ESYT3: variants seen among roughly 807,000 people sequenced by gnomAD.
The protein encoded by ESYT3 is extended synaptotagmin-3.
In ESYT3, 101 loss-of-function variants were observed where a neutral mutation model predicts 111.5. The observed-to-expected ratio is 0.91, with a 90% CI of 0.77 to 1.07. ESYT3 has a LOEUF of 1.07. Ranked by LOEUF, ESYT3 falls within the 50% of genes least tolerant of loss-of-function variation. The pLI, the probability that ESYT3 is intolerant of heterozygous loss-of-function variation, is 0.00. For synonymous variants in ESYT3, 416 were observed against 446.8 expected (o/e 0.93, Z 0.87); for missense variants, 1,097 against 1,109.4 (o/e 0.99, Z 0.16).
intron 1 of ESYT3, among the ~76,000 whole-genome samples, chr3:138,443,756 G>GTGACT (rs1553810678): frequency 2.0e-5 from 3 of 151,486 alleles, no homozygotes; most frequent in East Asian, 2.0e-4. Flanking sequence ...GTGTGTGTGT[G>GTGACT]ACATGGCTGC....
At chr3:138,441,598 G>A (rs1381857415) in intron 1 of ESYT3, among the ~76,000 whole-genome samples, 1 of 152,126 alleles carries the variant, frequency 6.6e-6, no homozygotes, top group African/African-American at 2.4e-5. Context: ...CAGGGAGCAG[G>A]GGCTGAGACC....
intron 1 of ESYT3, among the ~76,000 whole-genome samples, chr3:138,446,886 A>G (rs571691356): frequency 2.0e-5 from 3 of 152,142 alleles, no homozygotes; most frequent in East Asian, 1.9e-4. Context: ...CAAACAAACA[A>G]TAGTCAGGCG....
intron 2 of ESYT3, 114 bp from the exon 3 acceptor site, chr3:138,455,080 G>C: frequency 7.9e-7 from 1 of 1,267,938 alleles, no homozygotes. Context: ...CTGCAGCATA[G>C]GAACCCCCAC....
intron 8 of ESYT3, 74 bp from the exon 9 acceptor site, chr3:138,464,271 G>A (rs2032805355): frequency 2.6e-6 from 4 of 1,547,178 alleles, no homozygotes; most frequent in Non-Finnish European, 3.5e-6. Flanking sequence ...ATCTCTGATG[G>A]TTTTAGCTCT....
chr3:138,452,544 C>T (rs1277879408), intron 2 of ESYT3, among the ~76,000 whole-genome samples: 1 of 152,202 alleles, frequency 6.6e-6, no homozygotes, highest in Non-Finnish European at 1.5e-5. Context: ...GATTCACTGA[C>T]ATCACTACTG....
chr3:138,443,799 G>T (rs2031340778), intron 1 of ESYT3, among the ~76,000 whole-genome samples: 1 of 152,022 alleles, frequency 6.6e-6, no homozygotes, highest in South Asian at 2.1e-4. Context: ...GTGCGAGGGA[G>T]CTGGCAGAAT....
chr3:138,474,193 T>C (rs2033376500), intron 19 of ESYT3, 28 bp from the exon 20 acceptor site: 3 of 1,593,754 alleles, frequency 1.9e-6, no homozygotes, highest in Admixed American at 3.7e-5. Context: ...CTTTTTTTTT[T>C]TTCCTAATGT....
chr3:138,438,400 G>A (rs1218194457), intron 1 of ESYT3, among the ~76,000 whole-genome samples: 1 of 152,068 alleles, frequency 6.6e-6, no homozygotes, highest in Admixed American at 6.5e-5. Context: ...ATGGATATCC[G>A]GCCACCTGCT....
chr3:138,445,743 C>T (rs957921825), intron 1 of ESYT3, among the ~76,000 whole-genome samples: 3 of 152,302 alleles, frequency 2.0e-5, no homozygotes, highest in African/African-American at 4.8e-5. Flanking sequence ...ACTTCCAGAA[C>T]GCTTATTCTG....
intron 1 of ESYT3, among the ~76,000 whole-genome samples, chr3:138,442,445 T>TAAA (rs1291398948): frequency 1.8e-4 from 27 of 152,332 alleles, no homozygotes; most frequent in Non-Finnish European, 2.9e-4. Flanking sequence ...CAGGCTTTCC[T>TAAA]GGTCACACGG....
At chr3:138,463,180 T>C (rs1184791460) in intron 8 of ESYT3, among the ~76,000 whole-genome samples, 1 of 151,956 alleles carries the variant, frequency 6.6e-6, no homozygotes, top group African/African-American at 2.4e-5. Flanking sequence ...CTGCAACCTC[T>C]GTCTCCTAGG....
At chr3:138,459,747 C>T (rs1269734989) in intron 5 of ESYT3, among the ~76,000 whole-genome samples, 198 bp from the exon 6 acceptor site, 1 of 152,230 alleles carries the variant, frequency 6.6e-6, no homozygotes, top group African/African-American at 2.4e-5. Flanking sequence ...TGGTAGCTGG[C>T]AAGAGGTGGC....
intron 1 of ESYT3, among the ~76,000 whole-genome samples, chr3:138,450,566 G>A (rs2031855058): frequency 6.6e-6 from 1 of 152,230 alleles, no homozygotes; most frequent in Non-Finnish European, 1.5e-5. Context: ...GGGAAACTGA[G>A]GCTGGGAGAA....
chr3:138,445,664 G>A (rs564122586), intron 1 of ESYT3, among the ~76,000 whole-genome samples: 10 of 152,304 alleles, frequency 6.6e-5, no homozygotes, highest in East Asian at 1.9e-4. Context: ...GTTCTTGCAC[G>A]TACTTGAGGT....
intron 1 of ESYT3, among the ~76,000 whole-genome samples, chr3:138,451,703 G>A (rs886709820): frequency 2.6e-5 from 4 of 152,224 alleles, no homozygotes; most frequent in Non-Finnish European, 5.9e-5. Flanking sequence ...GGGGAGGGGT[G>A]AAACCGCGTG....
intron 3 of ESYT3, 127 bp downstream of exon 3, chr3:138,455,455 G>T: frequency 9.9e-7 from 1 of 1,011,424 alleles, no homozygotes; most frequent in Non-Finnish European, 1.4e-6. Context: ...CCTTACAGGG[G>T]GACACCCTCC....
chr3:138,459,877 A>AGCTGAGGCCATCT, intron 5 of ESYT3, 68 bp from the exon 6 acceptor site: 1 of 1,418,612 alleles, frequency 7.0e-7, no homozygotes, highest in Non-Finnish European at 9.8e-7. Flanking sequence ...AGATGGCCTC[A>AGCTGAGGCCATCT]GCTGAGCCCA....
intron 20 of ESYT3, among the ~76,000 whole-genome samples, chr3:138,475,243 T>C (rs1432163632): frequency 6.6e-6 from 1 of 152,174 alleles, no homozygotes; most frequent in Non-Finnish European, 1.5e-5. Flanking sequence ...GACATAATTA[T>C]AAAAAGATGT....
At chr3:138,462,274 C>T (rs762559847) in intron 8 of ESYT3, 68 bp downstream of exon 8, 79 of 1,603,164 alleles carry the variant, frequency 4.9e-5, no homozygotes, top group Non-Finnish European at 6.6e-5. Context: ...TCAGCCTTCA[C>T]ATGTGGTGCA....
Sources: gnomAD v4.1 joint callset for allele counts (sites outside exome capture counted in the v4.1 genomes callset) on GRCh38, gnomAD v4.1.1 for gene constraint, MANE v1.5 for transcripts, NCBI Gene and HGNC (gene_info 2026-07-23, HGNC 2026-07-21) for gene names.